ANKFY1: variants seen among roughly 807,000 people sequenced by gnomAD.
The protein encoded by ANKFY1 is ankyrin repeat and FYVE domain containing 1.
ANKFY1 carries 47 observed loss-of-function variants against 128.3 expected under a neutral mutation model. The ratio of observed to expected loss-of-function variants is 0.37; its 90% CI spans 0.29 to 0.47. ANKFY1 has a LOEUF of 0.47. ANKFY1 is among the 20% of genes least tolerant of loss of function. The pLI is 1.00. For missense variants in ANKFY1, 1,222 were observed against 1,510.6 expected, an observed-to-expected ratio of 0.81 and a Z score of 3.17; for synonymous variants, 553 against 601.6, an observed-to-expected ratio of 0.92 and a Z score of 1.18.
intron 2 of ANKFY1, 23 bp from the exon 3 acceptor site, chr17:4,235,913 T>A: frequency 6.5e-7 from 1 of 1,546,514 alleles, no homozygotes; most frequent in Non-Finnish European, 8.9e-7. Flanking sequence ...AAGATCCACA[T>A]ATATTAGAAA....
intron 8 of ANKFY1, among the ~76,000 whole-genome samples, chr17:4,196,268 T>C (rs2059824037): frequency 6.6e-6 from 1 of 151,180 alleles, no homozygotes; most frequent in Non-Finnish European, 1.5e-5. Context: ...TTTTAGGAAA[T>C]AAGGTAATTA....
chr17:4,174,049 G>A lies in ANKFY1; in HGVS notation c.2783C>T (p.Ala928Val), dbSNP rs764220730. The change falls in exon 20 of 25, where the codon GCG becomes GTG. Residue 928 changes from alanine to valine, a missense_variant. Ala to Val is a moderately conservative substitution (Grantham distance 64, BLOSUM62 0). Transcript: ENST00000341657. ...SEIIVRNLLLAGAKVNELTKH... is the reference protein window; with the variant it reads ...SEIIVRNLLLVGAKVNELTKH... ...GGTTAATTCGTTCACTTTGGCTCCCGCAAGAAGCTGTTGAAGTTCATTACA... is the reference window on the plus strand; with the variant it reads ...GGTTAATTCGTTCACTTTGGCTCCCACAAGAAGCTGTTGAAGTTCATTACA... 7 of 1,613,780 alleles carry A rather than the reference G, an allele frequency of 4.3e-6. No homozygotes were observed. Among genetic ancestry groups the A allele is most frequent in the Non-Finnish European group, 5.1e-6 (6 of 1,179,810 alleles).
In ANKFY1 at chr17:4,235,768, T is replaced by C; in HGVS notation, c.322+4A>G. The C allele has an allele frequency of 2.5e-6, 4 of 1,612,390 alleles. No homozygotes were observed. Reference sequence around the variant, plus strand: ...TTTGTGTCCCTGATCACTCAAAGGCTCACCTGACAGGTCCAACTCTTTAGT... The same window carrying C: ...TTTGTGTCCCTGATCACTCAAAGGCCCACCTGACAGGTCCAACTCTTTAGT... On this transcript the variant is annotated splice_donor_region_variant and intron_variant, in intron 3 of 24. Transcript: ENST00000341657.
In ANKFY1 at chr17:4,216,677, G is replaced by C. The variant is rs116645329; in HGVS notation, c.458+306C>G. The C allele has an allele frequency of 3.1e-3, 1,156 of 378,742 alleles. 18 individuals carry two copies. Among genetic ancestry groups the C allele is most frequent in the African/African-American group, 0.022 (1,087 of 48,326 alleles). The allele number at this position is 378,742 out of a possible 1,614,324, so 23.5% of individuals were successfully genotyped here. A position where few individuals can be genotyped will look rare whatever the true frequency, so the allele number is the denominator to read the frequency against. On this transcript the variant is annotated intron_variant, in intron 4 of 24. Transcript: ENST00000341657. ...AGTAAAATGTCAAGGGAAACAGAAA[G>C]GGAAGGAAAGCTGAAAGTTTGGACA... is the stretch of plus-strand genomic sequence containing the variant.
At chr17:4,179,328 T>G (rs1054090865) in intron 17 of ANKFY1, 4 of 553,242 alleles carry the variant, frequency 7.2e-6, no homozygotes, top group African/African-American at 1.9e-5. Flanking sequence ...CCACCACTCC[T>G]TATCTGGCTA....
intron 3 of ANKFY1, 115 bp from the exon 4 acceptor site, chr17:4,217,233 A>C (rs993125433): frequency 8.4e-7 from 1 of 1,183,678 alleles, no homozygotes; most frequent in Non-Finnish European, 1.2e-6. Flanking sequence ...CCCAACTTAA[A>C]GGAATATTAC....
chr17:4,214,943 T>G (rs1255465463), intron 4 of ANKFY1, among the ~76,000 whole-genome samples: 1 of 152,212 alleles, frequency 6.6e-6, no homozygotes, highest in Non-Finnish European at 1.5e-5. Context: ...TATTATACTT[T>G]TGTAAGGAGA....
At chr17:4,212,965 C>T (rs149349655) in intron 4 of ANKFY1, among the ~76,000 whole-genome samples, 10 of 151,378 alleles carry the variant, frequency 6.6e-5, no homozygotes, top group East Asian at 5.9e-4. Context: ...TTAGTAGAGA[C>T]GGGGTTTCCC....
At chr17:4,192,822 T>C (rs1047918691) in intron 10 of ANKFY1, among the ~76,000 whole-genome samples, 6 of 152,210 alleles carry the variant, frequency 3.9e-5, no homozygotes, top group Non-Finnish European at 8.8e-5. Flanking sequence ...TACAGATTTC[T>C]TTGTTCCTTC....
intron 3 of ANKFY1, among the ~76,000 whole-genome samples, chr17:4,220,815 G>C (rs1399765435): frequency 6.6e-6 from 1 of 152,206 alleles, no homozygotes; most frequent in Non-Finnish European, 1.5e-5. Flanking sequence ...CACACTGTCT[G>C]CTTCCAATCT....
At position 4,178,346 on chromosome 17, in the gene ANKFY1, CCT is replaced by C. The variant is rs1266230327; in HGVS notation, c.2598+509_2598+510del. On this transcript the variant is annotated intron_variant, in intron 18 of 24. Coordinates refer to ENST00000341657, the MANE Select transcript of ANKFY1 (RefSeq NM_001330063.2). This position sits in a 1 kb window ranked among gnomAD's most constrained non-coding sequence, Gnocchi z 4.1. Reference sequence around the variant, plus strand: ...GACTGACCTGATAAACCCACCCCCTCCTACTCAGATCAGTTGTGATTGTCATT... The same window carrying C: ...GACTGACCTGATAAACCCACCCCCTCACTCAGATCAGTTGTGATTGTCATT... 1.7e-5 allele frequency: 3 copies of C among 176,904 alleles called. No homozygotes were observed. The highest frequency in any genetic ancestry group is 3.7e-5 in the Non-Finnish European group (3 of 80,886). 11.0% of individuals were successfully genotyped at this position (176,904 alleles called of 1,614,324 possible). A position where few individuals can be genotyped will look rare whatever the true frequency, so the allele number is the denominator to read the frequency against.
intron 21 of ANKFY1, 37 bp from the exon 22 acceptor site, chr17:4,172,717 G>T: frequency 1.2e-6 from 2 of 1,610,072 alleles, no homozygotes; most frequent in South Asian, 2.2e-5. Context: ...GAATGTATCT[G>T]CCATGGCCAT....
At chr17:4,183,754 G>C (rs564762430) in intron 13 of ANKFY1, 58 bp downstream of exon 13, 17 of 1,534,752 alleles carry the variant, frequency 1.1e-5, no homozygotes, top group Non-Finnish European at 1.5e-5. Flanking sequence ...TGTCCCACCC[G>C]GCCCCACTTC....
At chr17:4,192,446 G>A (rs3931099) in intron 10 of ANKFY1, among the ~76,000 whole-genome samples, 1 of 140,368 alleles carries the variant, frequency 7.1e-6, no homozygotes, top group African/African-American at 2.6e-5. Flanking sequence ...CTTAGTTGAT[G>A]GTTGCTCTAA....
At chr17:4,180,198 C>T in intron 16 of ANKFY1, 1 of 278,224 alleles carries the variant, frequency 3.6e-6, no homozygotes, top group Non-Finnish European at 6.9e-6. Context: ...GAGGCCGAGG[C>T]AGGTGGATCA....
chr17:4,209,402 G>C (rs1456371325), intron 5 of ANKFY1, among the ~76,000 whole-genome samples: 1 of 152,202 alleles, frequency 6.6e-6, no homozygotes, highest in Non-Finnish European at 1.5e-5. Context: ...CCGGGTTTAC[G>C]TGATTCTCCT....
intron 8 of ANKFY1, among the ~76,000 whole-genome samples, chr17:4,196,853 C>T (rs1461575271): frequency 6.6e-6 from 1 of 152,228 alleles, no homozygotes; most frequent in African/African-American, 2.4e-5. Flanking sequence ...CGAAAACTGG[C>T]TCACGCCCGT....
In ANKFY1 at chr17:4,242,369, T is replaced by C. The variant is rs759251914; in HGVS notation, c.90A>G (p.Thr30=). 3 of 1,605,120 alleles carry C rather than the reference T, an allele frequency of 1.9e-6. No homozygotes were observed. The highest frequency in any genetic ancestry group is 2.2e-5 in the South Asian group (2 of 89,618). ...CAGCCAAGAGAGCGCAGCGCTTCTC[T>C]GTCTCCGCCAGCTTCTTCTGCAGCT... ...YVKLQKKLAE[T]EKRCALLAAQ... The change falls in exon 2 of 25, where the codon ACA becomes ACG. Residue 30 remains threonine (T), a synonymous_variant. Coordinates refer to ENST00000341657, the MANE Select transcript of ANKFY1 (RefSeq NM_001330063.2).
At chr17:4,217,595 C>T (rs1234913676) in intron 3 of ANKFY1, among the ~76,000 whole-genome samples, 1 of 152,156 alleles carries the variant, frequency 6.6e-6, no homozygotes. Flanking sequence ...TAAACTTTCG[C>T]AGTGGGCAGT....
Sources: allele counts gnomAD v4.1 joint callset (sites outside exome capture counted in the v4.1 genomes callset), GRCh38; gene constraint gnomAD v4.1.1; non-coding constraint Gnocchi (gnomAD v3.1); transcripts MANE v1.5; gene names NCBI Gene and HGNC (gene_info 2026-07-23, HGNC 2026-07-21).